BLM: variants seen among roughly 807,000 people sequenced by gnomAD.
BLM encodes the protein recQ-like DNA helicase BLM.
BLM carries 95 observed loss-of-function variants against 135.3 expected under a neutral mutation model. That is an observed-to-expected ratio of 0.70 (90% CI 0.59 to 0.83). BLM has a LOEUF of 0.83. Ranked by LOEUF, BLM falls within the 40% of genes least tolerant of loss-of-function variation. BLM has a pLI of 0.00. For synonymous variants in BLM, 520 were observed against 589.2 expected (o/e 0.88, Z 1.70); for missense variants, 1,518 against 1,663.9 (o/e 0.91, Z 1.53).
intron 17 of BLM, among the ~76,000 whole-genome samples, chr15:90,799,560 T>C (rs1897114810): frequency 6.8e-6 from 1 of 146,846 alleles, no homozygotes; most frequent in Non-Finnish European, 1.5e-5. Context: ...CTAGGAAAAC[T>C]TCCTAGAGTG....
At chr15:90,800,472 G>A (rs1237567359) in intron 17 of BLM, among the ~76,000 whole-genome samples, 2 of 152,080 alleles carry the variant, frequency 1.3e-5, no homozygotes, top group African/African-American at 4.8e-5. Context: ...CACAAGGTCA[G>A]GAGTTCGAGG....
At chr15:90,737,604 C>T (rs1439396602) in intron 1 of BLM, among the ~76,000 whole-genome samples, 1 of 152,024 alleles carries the variant, frequency 6.6e-6, no homozygotes, top group Non-Finnish European at 1.5e-5. Flanking sequence ...AAACAAGAGA[C>T]ATTAGAGTAT....
intron 10 of BLM, among the ~76,000 whole-genome samples, chr15:90,768,370 C>G (rs1896196573): frequency 6.6e-6 from 1 of 152,218 alleles, no homozygotes; most frequent in Non-Finnish European, 1.5e-5. Flanking sequence ...CTCAAGCTGG[C>G]TTCTCTGTCC....
At chr15:90,792,394 C>CCG (rs1567057406) in intron 15 of BLM, among the ~76,000 whole-genome samples, 13 of 152,178 alleles carry the variant, frequency 8.5e-5, no homozygotes, top group African/African-American at 2.7e-4. Flanking sequence ...GCGTGAGCCA[C>CCG]TATGCCCAGC....
intron 1 of BLM, among the ~76,000 whole-genome samples, chr15:90,729,029 A>C (rs1175214052): frequency 6.6e-6 from 1 of 151,892 alleles, no homozygotes; most frequent in Non-Finnish European, 1.5e-5. Context: ...AAAAATAACA[A>C]TAACACACGG....
intron 19 of BLM, among the ~76,000 whole-genome samples, chr15:90,805,130 G>A (rs997555138): frequency 3.0e-5 from 4 of 134,740 alleles, no homozygotes; most frequent in Non-Finnish European, 4.8e-5. Context: ...GCCACCATGC[G>A]CGGCCGAAAC....
chr15:90,745,976 G>A (rs1269125736), intron 1 of BLM, among the ~76,000 whole-genome samples: 1 of 152,118 alleles, frequency 6.6e-6, no homozygotes, highest in Non-Finnish European at 1.5e-5. Flanking sequence ...AACTCAGGAA[G>A]CTGAGGTGGG....
In BLM at chr15:90,804,293, C is replaced by G. The variant is rs1555424395; in HGVS notation, c.3685C>G (p.Leu1229Val). The change falls in exon 19 of 22, where the codon CTG becomes GTG. Residue 1229 changes from leucine (L) to valine (V), a missense_variant. Leu to Val is a conservative substitution (Grantham distance 32). Coordinates refer to ENST00000355112, the MANE Select transcript of BLM (RefSeq NM_000057.4). ...LGELTEVCKS[L>V]GKVFGVHYFN... ...AGAACTTACAGAAGTCTGCAAATCT[C>G]TGGGGAAAGTTTTTGGTGTCCATTA... 6.2e-7 allele frequency: 1 copy of G among 1,614,164 alleles called. No individual in the cohort carries two copies. Among genetic ancestry groups the G allele is most frequent in the Non-Finnish European group, 8.5e-7 (1 of 1,180,028 alleles).
intron 1 of BLM, among the ~76,000 whole-genome samples, chr15:90,736,143 T>G (rs1895209962): frequency 6.6e-6 from 1 of 152,226 alleles, no homozygotes; most frequent in Non-Finnish European, 1.5e-5. Context: ...CTGTGAGGAA[T>G]GCAAACTTGT....
intron 1 of BLM, among the ~76,000 whole-genome samples, chr15:90,726,022 A>G (rs1323755125): frequency 1.3e-5 from 2 of 152,208 alleles, no homozygotes; most frequent in African/African-American, 4.8e-5. Context: ...AAAGTGACAT[A>G]ATTGTACCCC....
At position 90,750,886 on chromosome 15, in the gene BLM, C is replaced by A. The variant is rs116078993; in HGVS notation, c.799+819C>A. On this transcript the variant is annotated intron_variant, in intron 3 of 21. Transcript: ENST00000355112. ...TACTATCCGAGATTTCAGGCATCCA[C>A]CGGGGTCTTGTCACATATTTCCTGA... Among the ~76,000 whole-genome samples, 1,358 of 152,248 alleles carry A rather than the reference C, an allele frequency of 8.9e-3. 15 individuals carry two copies. Among genetic ancestry groups the A allele is most frequent in the African/African-American group, 0.029 (1,225 of 41,536 alleles).
chr15:90,719,947 C>T (rs888283730), intron 1 of BLM, among the ~76,000 whole-genome samples: 2 of 152,158 alleles, frequency 1.3e-5, no homozygotes, highest in Admixed American at 1.3e-4. Context: ...ACTATTCTAC[C>T]TCAGCCTTTG....
intron 12 of BLM, among the ~76,000 whole-genome samples, chr15:90,776,176 AGTCATCAAAAATTATTT>A (rs1387143762): frequency 6.6e-6 from 1 of 152,234 alleles, no homozygotes; most frequent in Non-Finnish European, 1.5e-5. Context: ...CGTAATGATC[AGTCATCAAAAATTATTT>A]TTAATTATCT....
chr15:90,805,162 C>T (rs1318831656), intron 19 of BLM, among the ~76,000 whole-genome samples: 1 of 151,138 alleles, frequency 6.6e-6, no homozygotes, highest in East Asian at 1.9e-4. Context: ...TTTTTAAGGA[C>T]ATCTGAAGAC....
Position 90,763,233 on chromosome 15 carries a change from A to G in BLM, c.2074+76A>G. On this transcript the variant is annotated intron_variant, in intron 8 of 21. Coordinates refer to ENST00000355112, the MANE Select transcript of BLM (RefSeq NM_000057.4). ...TGAAAGCTCTTTAATAGAAATAAAA[A>G]GACCACCTACACAGTATTTCTATCA... 2.1e-6 allele frequency: 3 copies of G among 1,453,446 alleles called. No individual in the cohort carries two copies. In the South Asian group the frequency reaches 3.4e-5, roughly 17 times the overall value. The allele number at this position is 1,453,446 out of a possible 1,614,324, so 90.0% of individuals were successfully genotyped here.
chr15:90,809,424 T>C (rs1897356332), intron 20 of BLM, among the ~76,000 whole-genome samples, 165 bp downstream of exon 20: 1 of 152,170 alleles, frequency 6.6e-6, no homozygotes, highest in Admixed American at 6.5e-5. Flanking sequence ...AGGACACTAG[T>C]GCTTATGCCC....
chr15:90,813,319 TAAG>T (rs1897469988), intron 21 of BLM, among the ~76,000 whole-genome samples: 1 of 152,230 alleles, frequency 6.6e-6, no homozygotes, highest in Non-Finnish European at 1.5e-5. Flanking sequence ...CCTAATCTGA[TAAG>T]AAGCAGTAAA....
rs760756587 is a variant in BLM, at chr15:90,804,163, A to G, written c.3559-4A>G. 1 of 1,612,766 alleles carries G rather than the reference A, an allele frequency of 6.2e-7. No individual in the cohort carries two copies. Among genetic ancestry groups the G allele is most frequent in the Admixed American group, 1.7e-5 (1 of 60,010 alleles). On this transcript the variant is annotated splice_region_variant and splice_polypyrimidine_tract_variant and intron_variant, in intron 18 of 21. Coordinates refer to ENST00000355112, the MANE Select transcript of BLM (RefSeq NM_000057.4). ...CTCCTATGATTTGTTTCTCTCTCAT[A>G]AAGGTAGACTTTATGGAAACAGAAA...
chr15:90,741,546 T>C (rs1895364295), intron 1 of BLM, among the ~76,000 whole-genome samples: 1 of 152,190 alleles, frequency 6.6e-6, no homozygotes, highest in Admixed American at 6.5e-5. Flanking sequence ...CTTCCATGTC[T>C]CCTAACTTCT....
Sources: allele counts gnomAD v4.1 joint callset (sites outside exome capture counted in the v4.1 genomes callset), GRCh38; gene constraint gnomAD v4.1.1; transcripts MANE v1.5; gene names NCBI Gene and HGNC (gene_info 2026-07-23, HGNC 2026-07-21).